CAMKMT: variants seen among roughly 807,000 people sequenced by gnomAD.
CAMKMT encodes the protein CaM KMT.
CAMKMT carries 53 observed loss-of-function variants against 48.0 expected under a neutral mutation model. That is an observed-to-expected ratio of 1.10 (90% CI 0.89 to 1.39). CAMKMT has a LOEUF of 1.39. CAMKMT is among the 40% of genes most tolerant of loss of function. CAMKMT has a pLI of 0.00. For missense variants in CAMKMT, 428 were observed against 402.7 expected (o/e 1.06, Z -0.54); for synonymous variants, 165 against 152.3 (o/e 1.08, Z -0.61).
At chr2:44,495,220 A>G (rs1043747333) in intron 3 of CAMKMT, among the ~76,000 whole-genome samples, 2 of 152,166 alleles carry the variant, frequency 1.3e-5, no homozygotes, top group Non-Finnish European at 2.9e-5. Context: ...AGGTCACTGC[A>G]GCCTTGAACT....
chr2:44,672,414 T>G (rs549822506), intron 3 of CAMKMT, among the ~76,000 whole-genome samples: 2 of 151,040 alleles, frequency 1.3e-5, no homozygotes, highest in Admixed American at 6.6e-5. Flanking sequence ...ATTTTGTGGG[T>G]TTTTTTTTCA....
chr2:44,414,440 T>A lies in CAMKMT; in HGVS notation c.376+24135T>A, dbSNP rs112709887. Among the ~76,000 whole-genome samples the A allele has an allele frequency of 1.7e-3, 266 of 152,260 alleles. No homozygotes were observed. The Middle Eastern group carries it at 0.027, about 16-fold the overall frequency. On this transcript the variant is annotated intron_variant, in intron 3 of 10. Coordinates refer to ENST00000378494, the MANE Select transcript of CAMKMT (RefSeq NM_024766.5). ...CTTTCCGGGGTCACTCACATGGTTGTTGGCAGGCCTCAGTTTCTTGCTAAC... is the reference window on the plus strand; with the variant it reads ...CTTTCCGGGGTCACTCACATGGTTGATGGCAGGCCTCAGTTTCTTGCTAAC...
chr2:44,631,475 TA>T (rs1365215247), intron 3 of CAMKMT: 10 of 601,864 alleles, frequency 1.7e-5, no homozygotes, highest in African/African-American at 5.8e-5. Flanking sequence ...AACAATTTTT[TA>T]TTTTTTTTGT....
chr2:44,456,139 C>A (rs1443518511), intron 3 of CAMKMT, among the ~76,000 whole-genome samples: 1 of 151,960 alleles, frequency 6.6e-6, no homozygotes, highest in Non-Finnish European at 1.5e-5. Context: ...AACATGAATC[C>A]AAATATATTG....
At chr2:44,499,835 C>G (rs998336236) in intron 3 of CAMKMT, among the ~76,000 whole-genome samples, 2 of 152,150 alleles carry the variant, frequency 1.3e-5, no homozygotes, top group African/African-American at 4.8e-5. Flanking sequence ...TTTTGTGATA[C>G]TTCTGAATGG....
At chr2:44,400,547 G>A (rs1261434594) in intron 3 of CAMKMT, among the ~76,000 whole-genome samples, 1 of 151,978 alleles carries the variant, frequency 6.6e-6, no homozygotes, top group East Asian at 1.9e-4. Flanking sequence ...TACTTAAGAT[G>A]AGCCAATTCT....
At chr2:44,675,536 T>C (rs1158041614) in intron 3 of CAMKMT, among the ~76,000 whole-genome samples, 1 of 152,194 alleles carries the variant, frequency 6.6e-6, no homozygotes, top group East Asian at 1.9e-4. Context: ...TAATATTTAT[T>C]GACATACAAG....
chr2:44,666,680 C>T lies in CAMKMT; in HGVS notation c.377-37603C>T, dbSNP rs367626855. On this transcript the variant is annotated intron_variant, in intron 3 of 10. Coordinates refer to ENST00000378494, the MANE Select transcript of CAMKMT (RefSeq NM_024766.5). ...AAGCTGGAATGCAGTGGCACAGTCT[C>T]GGCTCACTGAGCCTCCGCCTCCTGG... Among the ~76,000 whole-genome samples the T allele has an allele frequency of 1.2e-3, 183 of 149,680 alleles. 4 individuals are homozygous for T. The Middle Eastern group carries it at 0.021, about 17-fold the overall frequency.
At chr2:44,567,295 G>A (rs927757665) in intron 3 of CAMKMT, among the ~76,000 whole-genome samples, 3 of 151,904 alleles carry the variant, frequency 2.0e-5, no homozygotes, top group Non-Finnish European at 2.9e-5. Flanking sequence ...TATGCAACCC[G>A]ACCATCAGTC....
intron 3 of CAMKMT, among the ~76,000 whole-genome samples, chr2:44,688,800 C>T (rs1676477393): frequency 6.6e-6 from 1 of 152,112 alleles, no homozygotes; most frequent in Non-Finnish European, 1.5e-5. Context: ...GGGACGTGCA[C>T]CTAAACAACA....
intron 7 of CAMKMT, among the ~76,000 whole-genome samples, chr2:44,715,731 A>G (rs1002134781): frequency 1.3e-5 from 2 of 151,960 alleles, no homozygotes; most frequent in African/African-American, 4.8e-5. Flanking sequence ...TTCCCTGGAG[A>G]TATTTTTTTT....
chr2:44,495,283 G>C (rs1669701951), intron 3 of CAMKMT, among the ~76,000 whole-genome samples: 1 of 152,096 alleles, frequency 6.6e-6, no homozygotes, highest in Non-Finnish European at 1.5e-5. Context: ...CTGGACTACA[G>C]GTGCATGCCA....
chr2:44,698,186 C>A (rs569124386), intron 3 of CAMKMT, among the ~76,000 whole-genome samples: 19 of 152,292 alleles, frequency 1.2e-4, no homozygotes, highest in African/African-American at 4.6e-4. Flanking sequence ...CAACTGTCAC[C>A]ACAATTTTAG....
At chr2:44,494,736 C>G (rs916921492) in intron 3 of CAMKMT, among the ~76,000 whole-genome samples, 1 of 152,088 alleles carries the variant, frequency 6.6e-6, no homozygotes, top group Non-Finnish European at 1.5e-5. Context: ...AAGAGAGACT[C>G]CATTATGACA....
At position 44,556,450 on chromosome 2, in the gene CAMKMT, C is replaced by CT. The variant is rs1176467214; in HGVS notation, c.377-147803dup. Among the ~76,000 whole-genome samples, 339 of 50,290 alleles carry CT rather than the reference C, an allele frequency of 6.7e-3. 54 individuals carry two copies. The highest frequency in any genetic ancestry group is 0.033 in the East Asian group (59 of 1,792). The allele number at this position is 50,290 out of a possible 152,430, so 33.0% of individuals were successfully genotyped here. ...CACCGTGTCCAGCCAATTTTTCTTT[C>CT]TTTTTTTTTTTTTTTTTTTTTTTTT... On this transcript the variant is annotated intron_variant, in intron 3 of 10. Coordinates refer to ENST00000378494, the MANE Select transcript of CAMKMT (RefSeq NM_024766.5).
chr2:44,669,411 A>G (rs1005513775), intron 3 of CAMKMT, among the ~76,000 whole-genome samples: 4 of 152,196 alleles, frequency 2.6e-5, no homozygotes, highest in African/African-American at 9.7e-5. Flanking sequence ...CTCCTAGCAC[A>G]TGTGTGCAAA....
chr2:44,468,330 T>C (rs897172026), intron 3 of CAMKMT, among the ~76,000 whole-genome samples: 3 of 152,100 alleles, frequency 2.0e-5, no homozygotes, highest in Non-Finnish European at 2.9e-5. Flanking sequence ...ACAATGGCTG[T>C]CAACGAAAAG....
intron 7 of CAMKMT, among the ~76,000 whole-genome samples, chr2:44,720,120 A>G (rs1157043865): frequency 1.3e-5 from 2 of 152,190 alleles, no homozygotes; most frequent in East Asian, 3.8e-4. Flanking sequence ...CACTGAAGAC[A>G]CCAACTCCCA....
intron 3 of CAMKMT, among the ~76,000 whole-genome samples, chr2:44,446,048 G>A (rs1666977450): frequency 6.6e-6 from 1 of 152,078 alleles, no homozygotes; most frequent in East Asian, 1.9e-4. Context: ...GAATGTGACA[G>A]CCAAGTATAA....
Sources: gnomAD v4.1 joint callset for allele counts (sites outside exome capture counted in the v4.1 genomes callset) on GRCh38, gnomAD v4.1.1 for gene constraint, MANE v1.5 for transcripts, NCBI Gene and HGNC (gene_info 2026-07-23, HGNC 2026-07-21) for gene names.